The following RHOT1 variants were observed in gnomAD, a reference collection of about 807,000 sequenced individuals.
RHOT1 encodes mitochondrial Rho GTPase 1.
A neutral mutation model predicts 95.3 loss-of-function variants in RHOT1; 27 were observed. The ratio of observed to expected loss-of-function variants is 0.28; its 90% confidence interval spans 0.21 to 0.39. The LOEUF is 0.39. Among genes scored for constraint, RHOT1 ranks in the 10% least tolerant of loss-of-function variants. The probability of loss-of-function intolerance (pLI) is 1.00; values close to 1 mark genes in which losing one functional copy is unlikely to be tolerated. For missense variants in RHOT1, 578 were observed against 786.7 expected (o/e 0.73, Z 3.17); for synonymous variants, 227 against 263.5 (o/e 0.86, Z 1.34).
At chr17:32,219,293 C>G (rs1162314175) in intron 19 of RHOT1, among the ~76,000 whole-genome samples, 1 of 152,086 alleles carries the variant, frequency 6.6e-6, no homozygotes, top group African/African-American at 2.4e-5. Flanking sequence ...TAATTGATAT[C>G]TGGGTAACAA....
intron 8 of RHOT1, among the ~76,000 whole-genome samples, chr17:32,186,231 T>G (rs2036040383): frequency 6.6e-6 from 1 of 152,178 alleles, no homozygotes; most frequent in African/African-American, 2.4e-5. Context: ...ATAGCCATCC[T>G]AGTAGATGTG....
Position 32,211,066 on chromosome 17 carries a change from C to G in RHOT1, c.1740-50C>G, listed in dbSNP as rs184200824. Reference sequence around the variant, plus strand: ...TAAGTTGGCACACCCTGACTTGTGCCATATTTGTAAGTAAGAACTCAACTC... The same window carrying G: ...TAAGTTGGCACACCCTGACTTGTGCGATATTTGTAAGTAAGAACTCAACTC... On this transcript the variant is annotated intron_variant, in intron 18 of 19. Coordinates refer to ENST00000545287, the MANE Select transcript of RHOT1 (RefSeq NM_001033566.3). 5.2e-6 allele frequency: 8 copies of G among 1,548,656 alleles called. No homozygotes were observed. In the African/African-American group the frequency reaches 8.2e-5, roughly 16 times the overall value.
chr17:32,154,258 T>A (rs1234911507), intron 1 of RHOT1, among the ~76,000 whole-genome samples: 1 of 143,782 alleles, frequency 7.0e-6, no homozygotes, highest in African/African-American at 2.7e-5. Flanking sequence ...CTGGACAACA[T>A]AGGGAGACCC....
chr17:32,172,080 TA>T (rs2034622018), intron 2 of RHOT1, among the ~76,000 whole-genome samples: 1 of 152,208 alleles, frequency 6.6e-6, no homozygotes, highest in African/African-American at 2.4e-5. Flanking sequence ...TAGGTATCAT[TA>T]GTGTCACAGT....
intron 1 of RHOT1, chr17:32,160,469 G>A (rs2033430841): frequency 6.6e-6 from 1 of 152,372 alleles, no homozygotes; most frequent in African/African-American, 2.4e-5. Context: ...CACAAACAGG[G>A]TTGAAACATG....
chr17:32,148,291 T>C (rs964203592), intron 1 of RHOT1, among the ~76,000 whole-genome samples: 6 of 152,048 alleles, frequency 3.9e-5, no homozygotes, highest in Non-Finnish European at 5.9e-5. Context: ...AAAAGAAAAT[T>C]CCTTAATAAG....
intron 6 of RHOT1, 128 bp from the exon 7 acceptor site, chr17:32,182,629 A>C: frequency 1.6e-6 from 1 of 611,956 alleles, no homozygotes; most frequent in Non-Finnish European, 2.8e-6. Flanking sequence ...ACCTGACTGT[A>C]GAGAAAGGTT....
intron 1 of RHOT1, among the ~76,000 whole-genome samples, chr17:32,170,694 T>G (rs1254552375): frequency 1.3e-5 from 2 of 152,166 alleles, no homozygotes; most frequent in African/African-American, 2.4e-5. Context: ...AATGCATAAT[T>G]AAGTGATAAA....
At chr17:32,166,187 C>CAAAAAAAAA (rs200254466) in intron 1 of RHOT1, among the ~76,000 whole-genome samples, 1 of 106,552 alleles carries the variant, frequency 9.4e-6, no homozygotes. Flanking sequence ...GACTCTATCT[C>CAAAAAAAAA]AAAAAAAAAA....
intron 1 of RHOT1, among the ~76,000 whole-genome samples, chr17:32,143,620 A>T (rs990084529): frequency 2.0e-5 from 3 of 152,210 alleles, no homozygotes; most frequent in Non-Finnish European, 2.9e-5. Context: ...TGAAAATATA[A>T]TAAAGGAGAG....
rs2038110088 is a variant in RHOT1, at chr17:32,211,220, T to A, written c.1844T>A (p.Phe615Tyr). Residue 615 changes from phenylalanine (F) to tyrosine (Y), a missense_variant, in exon 19 of 20, where the codon TTC becomes TAC. Physicochemically the swap from Phe to Tyr is conservative, Grantham distance 22. This residue lies in a region of RHOT1 where 296 missense variants were observed against 338.5 expected (regional missense o/e 0.87). Transcript: ENST00000545287. ...CTGCAATCTGTAAAGAACAAAATCT[T>A]CACTGCAGTTCTTAACAGGTTCTTA... is the stretch of plus-strand genomic sequence containing the variant. ...DLLQSVKNKI[F>Y]TAVLNRHVTQ... 3.7e-6 allele frequency: 6 copies of A among 1,610,242 alleles called. No individual in the cohort carries two copies. The highest frequency in any genetic ancestry group is 5.1e-6 in the Non-Finnish European group (6 of 1,177,208).
At chr17:32,146,137 C>T (rs1250953363) in intron 1 of RHOT1, among the ~76,000 whole-genome samples, 1 of 152,206 alleles carries the variant, frequency 6.6e-6, no homozygotes, top group Non-Finnish European at 1.5e-5. Context: ...ATGCTACTCT[C>T]TCCTTCATTG....
At chr17:32,205,039 T>C (rs1296483977) in intron 16 of RHOT1, among the ~76,000 whole-genome samples, 3 of 145,620 alleles carry the variant, frequency 2.1e-5, no homozygotes, top group Non-Finnish European at 4.5e-5. Flanking sequence ...TCTACTTCTA[T>C]TTTTTTTTTT....
intron 1 of RHOT1, among the ~76,000 whole-genome samples, chr17:32,157,875 T>G (rs1432289465): frequency 6.6e-6 from 1 of 152,188 alleles, no homozygotes; most frequent in Non-Finnish European, 1.5e-5. Flanking sequence ...TGATTATTTT[T>G]TCTTCCTAGA....
chr17:32,178,199 G>T (rs2035179216), intron 6 of RHOT1, among the ~76,000 whole-genome samples: 1 of 140,434 alleles, frequency 7.1e-6, no homozygotes, highest in Non-Finnish European at 1.5e-5. Flanking sequence ...AATAATAAAT[G>T]CCCTCCCCCC....
intron 17 of RHOT1, 142 bp downstream of exon 17, chr17:32,207,171 A>G (rs1165319099): frequency 2.5e-5 from 20 of 800,386 alleles, no homozygotes; most frequent in South Asian, 4.6e-5. Context: ...CTATTCCTGA[A>G]GGTTCTGGTT....
chr17:32,208,457 G>T, intron 18 of RHOT1, 148 bp downstream of exon 18: 1 of 771,080 alleles, frequency 1.3e-6, no homozygotes. Context: ...TTGAGTAAAT[G>T]CAAGTTTGGT....
chr17:32,224,833 A>C lies in RHOT1; in HGVS notation c.*100A>C. 1.5e-6 allele frequency: 1 copy of C among 678,508 alleles called. No homozygotes were observed. The highest frequency in any genetic ancestry group is 2.5e-6 in the Non-Finnish European group (1 of 397,740). The allele number at this position is 678,508 out of a possible 1,614,324, so 42.0% of individuals were successfully genotyped here. Reference sequence around the variant, plus strand: ...ATTATTGAGATATTTATACATGCAGAGTTACTTTATTAATATTTGTAATTC... The same window carrying C: ...ATTATTGAGATATTTATACATGCAGCGTTACTTTATTAATATTTGTAATTC... On this transcript the variant is annotated 3_prime_UTR_variant, in exon 20 of 20. Transcript: ENST00000545287.
At chr17:32,209,438 A>T in intron 18 of RHOT1, 2 of 1,591,370 alleles carry the variant, frequency 1.3e-6, no homozygotes, top group East Asian at 2.2e-5. Flanking sequence ...CTTTCTAAAA[A>T]CTGCTTTGTA....
Sources: allele counts gnomAD v4.1 joint callset (sites outside exome capture counted in the v4.1 genomes callset), GRCh38; gene constraint gnomAD v4.1.1; regional missense constraint gnomAD v4.1.1; transcripts MANE v1.5; gene names NCBI Gene and HGNC (gene_info 2026-07-23, HGNC 2026-07-21).